ROCK1: variants seen among roughly 807,000 people sequenced by gnomAD.
The protein encoded by ROCK1 is rho-associated protein kinase 1.
ROCK1 carries 36 observed loss-of-function variants against 196.8 expected under a neutral mutation model. The ratio of observed to expected loss-of-function variants is 0.18; its 90% CI spans 0.14 to 0.24. The LOEUF is 0.24. Ranked by LOEUF, ROCK1 falls within the 10% of genes least tolerant of loss-of-function variation. ROCK1 has a pLI of 1.00. For missense variants in ROCK1, 920 were observed against 1,562.0 expected, an observed-to-expected ratio of 0.59 and a Z score of 6.93; for synonymous variants, 443 against 515.9, an observed-to-expected ratio of 0.86 and a Z score of 1.91.
chr18:21,110,248 A>G (rs564471986), intron 1 of ROCK1, among the ~76,000 whole-genome samples: 35 of 152,304 alleles, frequency 2.3e-4, no homozygotes, highest in African/African-American at 8.4e-4. Context: ...CACTGTAATT[A>G]CCTATGACCA....
rs1013980231 is a variant in ROCK1 at position 20,992,895 on chromosome 18, T to C, written c.1928A>G (p.His643Arg). Reference protein sequence around the residue: ...SLQEEVKHLKHNLEKVEGERK... With the variant: ...SLQEEVKHLKRNLEKVEGERK... ...TTCTCCTTCCACTTTTTCGAGATTA[T>C]GTTTGAGATGCTTCACCTCCTCTTG... is the stretch of plus-strand genomic sequence containing the variant. Residue 643 changes from histidine (H) to arginine (R), a missense_variant, in exon 17 of 33, where the codon CAT (histidine) becomes CGT (arginine). His to Arg is a conservative substitution (Grantham distance 29). Transcript: ENST00000399799. 4 of 1,612,752 alleles carry C rather than the reference T, an allele frequency of 2.5e-6. No homozygotes were observed. Among genetic ancestry groups the C allele is most frequent in the Admixed American group, 3.3e-5 (2 of 59,992 alleles).
chr18:20,991,449 A>T (rs554659121), intron 17 of ROCK1, 123 bp from the exon 18 acceptor site: 25 of 658,570 alleles, frequency 3.8e-5, no homozygotes, highest in Non-Finnish European at 5.4e-5. Flanking sequence ...ATAAACACAT[A>T]TAATTAAAAG....
chr18:21,043,317 G>A (rs1598540781), intron 6 of ROCK1, among the ~76,000 whole-genome samples: 2 of 151,988 alleles, frequency 1.3e-5, no homozygotes, highest in African/African-American at 4.8e-5. Flanking sequence ...TCTATTTGAT[G>A]TGAATTTTAA....
At chr18:21,042,009 T>C (rs2036111359) in intron 8 of ROCK1, 88 bp downstream of exon 8, 3 of 1,174,402 alleles carry the variant, frequency 2.6e-6, no homozygotes, top group Middle Eastern at 2.0e-4. Context: ...ACAATTTACA[T>C]GTAGAAGCTC....
At chr18:21,090,848 G>T (rs1420273651) in intron 1 of ROCK1, among the ~76,000 whole-genome samples, 1 of 135,368 alleles carries the variant, frequency 7.4e-6, no homozygotes, top group African/African-American at 2.5e-5. Context: ...TTACATGTAA[G>T]AGCATCAGTA....
intron 18 of ROCK1, among the ~76,000 whole-genome samples, chr18:20,987,668 T>C (rs554413632): frequency 2.6e-5 from 4 of 152,362 alleles, no homozygotes; most frequent in African/African-American, 9.6e-5. Flanking sequence ...GGTTAACTTT[T>C]CCATGTTCAT....
chr18:21,043,128 T>C (rs1034992072), intron 6 of ROCK1, among the ~76,000 whole-genome samples: 24 of 152,148 alleles, frequency 1.6e-4, no homozygotes, highest in African/African-American at 2.4e-5. Flanking sequence ...GGGGAGTTCA[T>C]AGGATAGGGC....
chr18:21,029,640 A>G (rs1472911309), intron 9 of ROCK1, among the ~76,000 whole-genome samples: 9 of 152,154 alleles, frequency 5.9e-5, no homozygotes, highest in Admixed American at 5.9e-4. Context: ...CAAGAATTAT[A>G]AATTTGATGT....
chr18:21,089,375 T>C (rs1325514991), intron 1 of ROCK1, among the ~76,000 whole-genome samples: 2 of 152,200 alleles, frequency 1.3e-5, no homozygotes, highest in African/African-American at 4.8e-5. Context: ...CTTTTTTTAA[T>C]TGGGAAGAAG....
intron 21 of ROCK1, among the ~76,000 whole-genome samples, chr18:20,982,349 T>G (rs1394466658): frequency 6.6e-6 from 1 of 152,204 alleles, no homozygotes; most frequent in Non-Finnish European, 1.5e-5. Flanking sequence ...ACTACTGGAC[T>G]CAAGCAATTC....
chr18:21,078,343 C>CACACAA (rs1337244921), intron 1 of ROCK1, among the ~76,000 whole-genome samples: 81 of 14,830 alleles, frequency 5.5e-3, no homozygotes, highest in African/African-American at 6.3e-3. Context: ...CACCCACCTA[C>CACACAA]ACACACACAC....
At chr18:21,104,380 G>A (rs1345442571) in intron 1 of ROCK1, among the ~76,000 whole-genome samples, 1 of 152,192 alleles carries the variant, frequency 6.6e-6, no homozygotes, top group East Asian at 1.9e-4. Flanking sequence ...GGCGGATCAC[G>A]AGGCCAGGAG....
chr18:21,109,474 T>C (rs1270902221), intron 1 of ROCK1, among the ~76,000 whole-genome samples: 4 of 152,236 alleles, frequency 2.6e-5, no homozygotes, highest in Admixed American at 6.5e-5. Flanking sequence ...TTAGAAGTTA[T>C]AGAAATCCTT....
chr18:21,079,688 G>T lies in ROCK1; in HGVS notation c.94-9075C>A, dbSNP rs73433120. The stretch of plus-strand genomic sequence containing the variant: ...CTCTGGAGCCCGCTTTAGCTCTGGG[G>T]AACTACTCCCTGTGGGTTTGCCTGC... On this transcript the variant is annotated intron_variant, in intron 1 of 32. Transcript: ENST00000399799. Among the ~76,000 whole-genome samples, 990 of 152,258 alleles carry T rather than the reference G, an allele frequency of 6.5e-3. 12 individuals are homozygous for T. Among genetic ancestry groups the T allele is most frequent in the African/African-American group, 0.023 (951 of 41,550 alleles).
At chr18:20,959,706 T>C (rs967645869) in intron 29 of ROCK1, 134 bp downstream of exon 29, 2 of 482,124 alleles carry the variant, frequency 4.1e-6, no homozygotes, top group African/African-American at 2.0e-5. Context: ...AATGTCAACA[T>C]TTATGCTTAA....
At chr18:21,087,587 T>C (rs570297401) in intron 1 of ROCK1, among the ~76,000 whole-genome samples, 1 of 151,432 alleles carries the variant, frequency 6.6e-6, no homozygotes, top group East Asian at 1.9e-4. Context: ...GAATGGAAAA[T>C]TATATGATCA....
chr18:21,017,186 CTTTTTTTTTTTTTTT>C (rs774542704), intron 12 of ROCK1, among the ~76,000 whole-genome samples: 1 of 99,090 alleles, frequency 1.0e-5, no homozygotes, highest in Non-Finnish European at 1.9e-5. Flanking sequence ...TACCACACTT[CTTTTTTTTTTTTTTT>C]TTTTTTTTGA....
At position 20,951,294 on chromosome 18, in the gene ROCK1, A is replaced by C; in HGVS notation, c.*90T>G. 8.3e-7 allele frequency: 1 copy of C among 1,206,068 alleles called. No homozygotes were observed. The highest frequency in any genetic ancestry group is 1.6e-5 in the South Asian group (1 of 64,236). 74.7% of individuals were successfully genotyped at this position (1,206,068 alleles called of 1,614,324 possible). On this transcript the variant is annotated 3_prime_UTR_variant, in exon 33 of 33. Coordinates refer to ENST00000399799, the MANE Select transcript of ROCK1 (RefSeq NM_005406.3). ...CCTGAAGCCTGTGATATTTGTGTCA[A>C]AGAAACAGCCTGTCTGCTCTGCATG... is the stretch of plus-strand genomic sequence containing the variant.
chr18:21,102,335 T>A (rs1177166212), intron 1 of ROCK1, among the ~76,000 whole-genome samples: 1 of 152,228 alleles, frequency 6.6e-6, no homozygotes, highest in African/African-American at 2.4e-5. Context: ...AGGAAAGTCA[T>A]GATCATATCT....
Sources: gnomAD v4.1 joint callset for allele counts (sites outside exome capture counted in the v4.1 genomes callset) on GRCh38, gnomAD v4.1.1 for gene constraint, MANE v1.5 for transcripts, NCBI Gene and HGNC (gene_info 2026-07-23, HGNC 2026-07-21) for gene names.